Variants in DOCK9 observed in about 807,000 individuals in gnomAD.
DOCK9 encodes dedicator of cytokinesis 9.
DOCK9 carries 89 observed loss-of-function variants against 263.3 expected under a neutral mutation model. The ratio of observed to expected loss-of-function variants is 0.34; its 90% CI spans 0.28 to 0.40. DOCK9 has a LOEUF of 0.40. Among genes scored for constraint, DOCK9 ranks in the 10% least tolerant of loss-of-function variants. DOCK9 has a pLI of 1.00. For synonymous variants in DOCK9, 976 were observed against 973.1 expected (o/e 1.00, Z -0.06); for missense variants, 2,140 against 2,603.4 (o/e 0.82, Z 3.87).
intron 27 of DOCK9, among the ~76,000 whole-genome samples, chr13:98,875,256 A>T (rs1201634644): frequency 6.6e-6 from 1 of 152,206 alleles, no homozygotes; most frequent in African/African-American, 2.4e-5. Flanking sequence ...TGTTCAAAAC[A>T]CTTGAGGGTG....
chr13:98,867,876 C>T (rs2094077456), intron 29 of DOCK9, 52 bp downstream of exon 29: 1 of 1,483,298 alleles, frequency 6.7e-7, no homozygotes, highest in African/African-American at 1.4e-5. Context: ...ATAATTCTAC[C>T]AGAGAAAGGC....
chr13:99,017,706 C>T (rs536956276), intron 1 of DOCK9, among the ~76,000 whole-genome samples: 1 of 152,318 alleles, frequency 6.6e-6, no homozygotes, highest in African/African-American at 2.4e-5. Context: ...TCGGGCCACA[C>T]ATAAAATATA....
chr13:98,877,327 C>T (rs2044015404), intron 27 of DOCK9, among the ~76,000 whole-genome samples: 3 of 152,318 alleles, frequency 2.0e-5, no homozygotes, highest in Admixed American at 1.3e-4. Context: ...ATCTTGAGAA[C>T]AAACACATGC....
intron 2 of DOCK9, among the ~76,000 whole-genome samples, chr13:98,954,455 G>C (rs1247032982): frequency 6.6e-6 from 1 of 152,210 alleles, no homozygotes; most frequent in East Asian, 1.9e-4. Context: ...CCTGGAGGAA[G>C]AATGTCATTC....
At chr13:98,883,528 G>A (rs1330711921) in intron 22 of DOCK9, among the ~76,000 whole-genome samples, 1 of 152,122 alleles carries the variant, frequency 6.6e-6, no homozygotes, top group African/African-American at 2.4e-5. Flanking sequence ...TTACAGGTGT[G>A]AGCCACCACA....
chr13:98,929,836 C>T (rs566940085), intron 3 of DOCK9, among the ~76,000 whole-genome samples: 2 of 152,180 alleles, frequency 1.3e-5, no homozygotes, highest in East Asian at 3.9e-4. Context: ...ACAAGACCTC[C>T]CACAGATTTC....
intron 41 of DOCK9, among the ~76,000 whole-genome samples, chr13:98,830,913 A>G (rs1182168523): frequency 6.6e-6 from 1 of 152,114 alleles, no homozygotes; most frequent in Non-Finnish European, 1.5e-5. Context: ...AAAATACACA[A>G]GTTTGGTCAT....
At chr13:98,950,439 C>T (rs928914034) in intron 2 of DOCK9, 2 of 679,786 alleles carry the variant, frequency 2.9e-6, no homozygotes, top group Non-Finnish European at 5.1e-6. Context: ...TTTGCTCTTG[C>T]TCTGCCATCT....
Position 98,915,378 on chromosome 13 carries a change from G to C in DOCK9, c.843C>G (p.Leu281=). The part of the protein sequence containing the change: ...WITILNKILQ[L]NFEAAMQEKR... ...TTTCTTGCATTGCAGCTTCAAAGTT[G>C]AGCTGGAGGATCTTATTTAGAATTG... The change falls in exon 8 of 53, where the codon CTC becomes CTG. Residue 281 remains leucine, a synonymous_variant. Transcript: ENST00000682017. The C allele has an allele frequency of 6.2e-7, 1 of 1,613,874 alleles. No individual in the cohort carries two copies. The highest frequency in any genetic ancestry group is 8.5e-7 in the Non-Finnish European group (1 of 1,179,844).
chr13:98,975,361 CAA>C (rs759586261), intron 1 of DOCK9, among the ~76,000 whole-genome samples: 4 of 123,140 alleles, frequency 3.2e-5, no homozygotes, highest in Admixed American at 8.2e-5. Flanking sequence ...GACTTTGTCT[CAA>C]AAAAAAAAAA....
chr13:98,924,067 A>G (rs1231511023), intron 4 of DOCK9, among the ~76,000 whole-genome samples: 1 of 152,224 alleles, frequency 6.6e-6, no homozygotes, highest in Non-Finnish European at 1.5e-5. Flanking sequence ...ATACGACATG[A>G]CATAGTCTGA....
At chr13:99,084,935 C>T (rs901596965) in intron 1 of DOCK9, among the ~76,000 whole-genome samples, 1 of 152,224 alleles carries the variant, frequency 6.6e-6, no homozygotes, top group African/African-American at 2.4e-5. Flanking sequence ...CCAACTCCTG[C>T]TCTACTCCTT....
upstream of DOCK9, among the ~76,000 whole-genome samples, chr13:98,981,448 T>G (rs1008646532): frequency 6.6e-6 from 1 of 152,206 alleles, no homozygotes; most frequent in Admixed American, 6.5e-5. Flanking sequence ...GCAATGTGTT[T>G]GCAGGAAATG....
chr13:98,838,623 A>C (rs2093098193), intron 38 of DOCK9, among the ~76,000 whole-genome samples: 5 of 152,246 alleles, frequency 3.3e-5, no homozygotes, highest in Admixed American at 3.3e-4. Flanking sequence ...TACTGATATA[A>C]ATGCAATTTG....
chr13:98,934,453 A>G (rs1048127687), intron 2 of DOCK9, among the ~76,000 whole-genome samples: 10 of 152,214 alleles, frequency 6.6e-5, no homozygotes, highest in African/African-American at 2.2e-4. Flanking sequence ...CAGAAGAACC[A>G]CCCAGCTGAG....
chr13:98,795,295 C>T (rs144879183), intron 52 of DOCK9, among the ~76,000 whole-genome samples: 23 of 152,274 alleles, frequency 1.5e-4, no homozygotes, highest in Middle Eastern at 3.4e-3. Context: ...CAGGGTCTTA[C>T]GGATTTTGTC....
chr13:98,856,507 GTTTC>G (rs2093709838), intron 33 of DOCK9: 1 of 153,120 alleles, frequency 6.5e-6, no homozygotes. Context: ...AGAAGCTGCT[GTTTC>G]AGCAGCAGGT....
In DOCK9 at chr13:98,856,160, C is replaced by T. The variant is rs919324899; in HGVS notation, c.3698-129G>A. 3.8e-5 allele frequency: 33 copies of T among 879,394 alleles called. No individual in the cohort carries two copies. The African/African-American group carries it at 5.4e-4, about 14-fold the overall frequency. 54.5% of individuals were successfully genotyped at this position (879,394 alleles called of 1,614,324 possible). ...TGTTAGGAAGTTGGCTCAAGAGTTG[C>T]ATTCCATTACTTCACCTTTAAAGAA... On this transcript the variant is annotated intron_variant, in intron 33 of 52. Coordinates refer to ENST00000682017, the MANE Select transcript of DOCK9 (RefSeq NM_001366683.2).
At chr13:99,010,379 A>T in intron 1 of DOCK9, among the ~76,000 whole-genome samples, 1 of 152,224 alleles carries the variant, frequency 6.6e-6, no homozygotes, top group East Asian at 1.9e-4. Context: ...TGAATTGACA[A>T]TGTGTTTTGT....
Sources: gnomAD v4.1 joint callset for allele counts (sites outside exome capture counted in the v4.1 genomes callset) on GRCh38, gnomAD v4.1.1 for gene constraint, MANE v1.5 for transcripts, NCBI Gene and HGNC (gene_info 2026-07-23, HGNC 2026-07-21) for gene names.